Variants in HVCN1 observed in about 807,000 individuals in gnomAD.
HVCN1 encodes hydrogen voltage gated channel 1, also known as voltage-gated hydrogen channel 1.
HVCN1 carries 14 observed loss-of-function variants against 29.2 expected under a neutral mutation model. The ratio of observed to expected loss-of-function variants is 0.48; its 90% CI spans 0.32 to 0.75. The LOEUF (loss-of-function observed/expected upper bound fraction) is 0.75. HVCN1 is among the 30% of genes least tolerant of loss of function. HVCN1 has a pLI of 0.04. For missense variants in HVCN1, 263 were observed against 341.8 expected, an observed-to-expected ratio of 0.77 and a Z score of 1.82; for synonymous variants, 131 against 133.2, an observed-to-expected ratio of 0.98 and a Z score of 0.11.
Position 110,649,380 on chromosome 12 carries a change from GTC to G in HVCN1, c.*28_*29del. 6.3e-7 allele frequency: 1 copy of G among 1,576,288 alleles called. No individual in the cohort carries two copies. Among genetic ancestry groups the G allele is most frequent in the Non-Finnish European group, 8.7e-7 (1 of 1,148,600 alleles). On this transcript the variant is annotated 3_prime_UTR_variant, in exon 8 of 8. Coordinates refer to ENST00000242607, the MANE Select transcript of HVCN1 (RefSeq NM_032369.4). ...TGACAGCACAGGCCCATGAGACAGT[GTC>G]TTCTTTTTGAGGGGAGCTGGTCCGG... is the stretch of plus-strand genomic sequence containing the variant.
chr12:110,670,367 TCCCTCCCAG>T (rs1418705463), intron 3 of HVCN1, among the ~76,000 whole-genome samples: 3 of 152,142 alleles, frequency 2.0e-5, no homozygotes, highest in African/African-American at 7.2e-5. Flanking sequence ...ATTTCCCTGT[TCCCTCCCAG>T]AGCTATTTTG....
Position 110,661,136 on chromosome 12 carries a change from G to T in HVCN1, c.306+28C>A, listed in dbSNP as rs1258348247. ...CCCCGATGGCTCTCCTGCCAGCTCT[G>T]GGTATCCCGGACTCCTGCCCCACCT... On this transcript the variant is annotated intron_variant, in intron 4 of 7. Coordinates refer to ENST00000242607, the MANE Select transcript of HVCN1 (RefSeq NM_032369.4). This position sits in a 1 kb window ranked among gnomAD's most constrained non-coding sequence, Gnocchi z 6.2. The T allele has an allele frequency of 6.4e-7, 1 of 1,565,174 alleles. No homozygotes were observed. Among genetic ancestry groups the T allele is most frequent in the East Asian group, 2.3e-5 (1 of 44,408 alleles).
At chr12:110,672,107 T>C (rs2068594102) in intron 3 of HVCN1, among the ~76,000 whole-genome samples, 1 of 152,196 alleles carries the variant, frequency 6.6e-6, no homozygotes, top group Non-Finnish European at 1.5e-5. Flanking sequence ...AAGGAGGGGA[T>C]TGGCCCTAAA....
At chr12:110,682,801 T>G in intron 3 of HVCN1, 1 of 246,396 alleles carries the variant, frequency 4.1e-6, no homozygotes, top group Non-Finnish European at 7.9e-6. Flanking sequence ...CCATCTCTAC[T>G]AAAAATACAA....
At chr12:110,682,492 C>T (rs1479210138) in intron 3 of HVCN1, among the ~76,000 whole-genome samples, 2 of 152,206 alleles carry the variant, frequency 1.3e-5, no homozygotes, top group African/African-American at 4.8e-5. Context: ...AGCCACCACA[C>T]CTGGCCTAAA....
chr12:110,663,145 C>T (rs912353314), intron 3 of HVCN1, among the ~76,000 whole-genome samples: 7 of 152,104 alleles, frequency 4.6e-5, no homozygotes, highest in Admixed American at 2.6e-4. Context: ...GAAACAGGCA[C>T]CAGCACCATC....
chr12:110,651,139 G>A (rs879171740), intron 6 of HVCN1, 78 bp downstream of exon 6: 1 of 1,059,568 alleles, frequency 9.4e-7, no homozygotes, highest in South Asian at 1.4e-5. Flanking sequence ...GGCACCCAGA[G>A]TGACTGCGCA....
chr12:110,695,728 G>A lies in HVCN1; in HGVS notation c.-104+6581C>T, dbSNP rs191084806. The stretch of plus-strand genomic sequence containing the variant: ...GTAGAAGCAGCTATGAAGAGAGAGG[G>A]ACAACCTTTTCAGAAGAGAGAACAG... On this transcript the variant is annotated intron_variant, in intron 2 of 4. Coordinates refer to the HVCN1 transcript ENST00000546713. Among the ~76,000 whole-genome samples, 61 of 152,330 alleles carry A rather than the reference G, an allele frequency of 4.0e-4. 1 individual carries two copies. Among genetic ancestry groups the A allele is most frequent in the Admixed American group, 4.0e-3 (61 of 15,298 alleles).
intron 6 of HVCN1, among the ~76,000 whole-genome samples, chr12:110,650,944 C>T (rs2067786602): frequency 6.6e-6 from 1 of 152,158 alleles, no homozygotes; most frequent in South Asian, 2.1e-4. Flanking sequence ...AAGTGATCCT[C>T]CTGACTCAGC....
At chr12:110,659,134 G>A (rs1446734427) in intron 4 of HVCN1, among the ~76,000 whole-genome samples, 4 of 152,154 alleles carry the variant, frequency 2.6e-5, no homozygotes, top group South Asian at 4.1e-4. Flanking sequence ...CAGCTGGCTT[G>A]CTTTGCTGCT....
chr12:110,661,504 C>A lies in HVCN1; in HGVS notation c.22-56G>T. 6.4e-7 allele frequency: 1 copy of A among 1,571,942 alleles called. No individual in the cohort carries two copies. Among genetic ancestry groups the A allele is most frequent in the Admixed American group, 1.7e-5 (1 of 57,980 alleles). On this transcript the variant is annotated intron_variant, in intron 3 of 7. Transcript: ENST00000242607. The surrounding 1 kb of genome is among the most constrained non-coding windows in gnomAD (Gnocchi z 6.2). ...CAGGCAGTTGGCCACTCAGAGCCCA[C>A]ATGGCCCAGGCCGGGCCAGGCCACT...
chr12:110,686,781 G>A (rs1487991024), intron 2 of HVCN1, among the ~76,000 whole-genome samples: 1 of 152,190 alleles, frequency 6.6e-6, no homozygotes, highest in Admixed American at 6.5e-5. Context: ...TAGCTACCTG[G>A]TCACAAGAGG....
chr12:110,668,778 C>T (rs1158212076), intron 3 of HVCN1, among the ~76,000 whole-genome samples: 1 of 152,194 alleles, frequency 6.6e-6, no homozygotes, highest in Non-Finnish European at 1.5e-5. Flanking sequence ...CCTGATGCTC[C>T]TCTGCGGTCA....
intron 3 of HVCN1, among the ~76,000 whole-genome samples, chr12:110,663,325 A>C (rs902600219): frequency 2.6e-4 from 39 of 152,286 alleles, no homozygotes; most frequent in African/African-American, 8.2e-4. Flanking sequence ...CTAGTTGGGC[A>C]GGTGTGGCAG....
At position 110,649,069 on chromosome 12, in the gene HVCN1, T is replaced by C; in HGVS notation, c.*341A>G. The C allele has an allele frequency of 1.8e-6, 1 of 565,494 alleles. No homozygotes were observed. The highest frequency in any genetic ancestry group is 3.3e-6 in the Non-Finnish European group (1 of 299,130). The allele number at this position is 565,494 out of a possible 1,614,324, so 35.0% of individuals were successfully genotyped here. ...ATGCTCAGATGCATCAGTTCCTTAA[T>C]ATACACGTGAAATTTGAAAACTGTA... On this transcript the variant is annotated 3_prime_UTR_variant, in exon 8 of 8. Transcript: ENST00000242607.
intron 3 of HVCN1, among the ~76,000 whole-genome samples, chr12:110,670,237 G>A (rs1323353058): frequency 2.0e-5 from 3 of 152,108 alleles, no homozygotes; most frequent in South Asian, 2.1e-4. Context: ...CTCAGAAGCC[G>A]CCATCTGTGG....
intron 3 of HVCN1, among the ~76,000 whole-genome samples, chr12:110,665,004 T>G (rs889873892): frequency 3.3e-5 from 5 of 152,100 alleles, no homozygotes; most frequent in African/African-American, 1.2e-4. Flanking sequence ...AAATCATGCC[T>G]TATGAGTAGA....
intron 3 of HVCN1, 118 bp downstream of exon 3, chr12:110,683,107 C>A: frequency 7.6e-7 from 1 of 1,312,902 alleles, no homozygotes; most frequent in South Asian, 1.2e-5. Context: ...TTAAATATTT[C>A]AGTATAGTGG....
At chr12:110,653,541 G>A (rs1399594685) in intron 5 of HVCN1, among the ~76,000 whole-genome samples, 2 of 152,038 alleles carry the variant, frequency 1.3e-5, no homozygotes, top group East Asian at 3.9e-4. Context: ...GAAAAAAACT[G>A]CCATTAAAGA....
Sources: allele counts gnomAD v4.1 joint callset (sites outside exome capture counted in the v4.1 genomes callset), GRCh38; gene constraint gnomAD v4.1.1; non-coding constraint Gnocchi (gnomAD v3.1); transcripts MANE v1.5; gene names NCBI Gene and HGNC (gene_info 2026-07-23, HGNC 2026-07-21).